KIR3DL2: variants seen among roughly 807,000 people sequenced by gnomAD.
KIR3DL2 encodes the protein killer cell immunoglobulin like receptor, three Ig domains and long cytoplasmic tail 2.
A neutral mutation model predicts 41.6 loss-of-function variants in KIR3DL2; 42 were observed. The observed-to-expected ratio is 1.01, with a 90% CI of 0.79 to 1.31. The LOEUF (loss-of-function observed/expected upper bound fraction) is 1.31. Among genes scored for constraint, KIR3DL2 ranks in the 50% most tolerant of loss-of-function variants. The pLI is 0.00. For missense variants in KIR3DL2, 728 were observed against 576.8 expected (o/e 1.26, Z -2.68); for synonymous variants, 230 against 221.3 (o/e 1.04, Z -0.35).
intron 5 of KIR3DL2, among the ~76,000 whole-genome samples, chr19:54,857,826 G>A (rs1373030525): frequency 2.6e-5 from 4 of 151,816 alleles, no homozygotes; most frequent in East Asian, 3.9e-4. Flanking sequence ...AATTACAGGC[G>A]TGAGCCACCG....
intron 6 of KIR3DL2, among the ~76,000 whole-genome samples, chr19:54,863,643 A>G (rs1197584767): frequency 7.9e-5 from 12 of 152,092 alleles, no homozygotes; most frequent in Non-Finnish European, 1.6e-4. Context: ...TTTTGGCTGC[A>G]TAAATGTCTT....
intron 6 of KIR3DL2, among the ~76,000 whole-genome samples, chr19:54,864,702 G>A (rs1429844532): frequency 6.6e-6 from 1 of 152,044 alleles, no homozygotes. Flanking sequence ...TTTGTACATT[G>A]ATTCTGTATC....
In KIR3DL2 at chr19:54,853,980, G is replaced by A. The variant is rs1312724659; in HGVS notation, c.589G>A (p.Gly197Ser). The change falls in exon 4 of 9, where the codon GGT (glycine) becomes AGT (serine). Residue 197 changes from glycine to serine, a missense_variant. Physicochemically the swap from Gly to Ser is moderately conservative, Grantham distance 56. Transcript: ENST00000326321. The stretch of plus-strand genomic sequence containing the variant: ...CCTTGCAGGAACCTACAGATGTTAT[G>A]GTTCTGTTCCTCACTCCCCCTATCA... Reference protein sequence around the residue: ...PVLAGTYRCYGSVPHSPYQLS... With the variant: ...PVLAGTYRCYSSVPHSPYQLS... 10 of 1,613,306 alleles carry A rather than the reference G, an allele frequency of 6.2e-6. No homozygotes were observed. The Admixed American group carries it at 6.7e-5, about 11-fold the overall frequency.
intron 6 of KIR3DL2, among the ~76,000 whole-genome samples, chr19:54,859,330 C>T (rs1424602325): frequency 2.6e-5 from 4 of 151,980 alleles, no homozygotes; most frequent in African/African-American, 9.7e-5. Context: ...TAATTTCCTG[C>T]AGGTGAGACC....
chr19:54,858,789 G>A (rs961225464), intron 5 of KIR3DL2, among the ~76,000 whole-genome samples: 29 of 151,968 alleles, frequency 1.9e-4, no homozygotes, highest in Non-Finnish European at 4.0e-4. Context: ...TCTCCATTCT[G>A]TTCCATTTTT....
intron 6 of KIR3DL2, among the ~76,000 whole-genome samples, chr19:54,862,123 C>T (rs190643900): frequency 1.4e-4 from 22 of 152,236 alleles, no homozygotes; most frequent in African/African-American, 4.3e-4. Context: ...TGGTCTTTCC[C>T]CCAGCCTCTC....
intron 6 of KIR3DL2, 104 bp from the exon 7 acceptor site, chr19:54,865,701 C>A: frequency 9.8e-7 from 1 of 1,024,982 alleles, no homozygotes; most frequent in Non-Finnish European, 1.5e-6. Flanking sequence ...GCTGCTTGTC[C>A]TAAGGAGATG....
intron 2 of KIR3DL2, 47 bp from the exon 3 acceptor site, chr19:54,851,951 G>A (rs1371789652): frequency 1.3e-6 from 2 of 1,593,348 alleles, no homozygotes; most frequent in Non-Finnish European, 1.7e-6. Context: ...GGAGGGAGGG[G>A]TGGCTCCACA....
intron 6 of KIR3DL2, among the ~76,000 whole-genome samples, chr19:54,863,737 T>C (rs1446778992): frequency 6.6e-6 from 1 of 152,056 alleles, no homozygotes; most frequent in Admixed American, 6.5e-5. Context: ...TTTGAGTTCA[T>C]TGTAGATTCT....
chr19:54,866,268 C>A, intron 7 of KIR3DL2, 102 bp from the exon 8 acceptor site: 1 of 1,171,030 alleles, frequency 8.5e-7, no homozygotes, highest in Non-Finnish European at 1.3e-6. Flanking sequence ...AGCTGAAGAG[C>A]CTCAGGCACC....
chr19:54,863,756 G>A (rs1170028584), intron 6 of KIR3DL2, among the ~76,000 whole-genome samples: 2 of 151,850 alleles, frequency 1.3e-5, no homozygotes, highest in Admixed American at 6.6e-5. Context: ...CTGGATATTA[G>A]CCCTTTGTCA....
At chr19:54,863,519 T>A (rs1157771946) in intron 6 of KIR3DL2, among the ~76,000 whole-genome samples, 1 of 152,108 alleles carries the variant, frequency 6.6e-6, no homozygotes, top group Non-Finnish European at 1.5e-5. Context: ...CAGCACCTGT[T>A]GTTTCCCGAC....
At position 54,852,114 on chromosome 19, in the gene KIR3DL2, G is replaced by C. The variant is rs1569519811; in HGVS notation, c.187G>C (p.Glu63Gln). 1.1e-5 allele frequency: 18 copies of C among 1,612,950 alleles called. No individual in the cohort carries two copies. Among genetic ancestry groups the C allele is most frequent in the Non-Finnish European group, 1.3e-5 (15 of 1,179,572 alleles). Residue 63 changes from glutamate to glutamine, a missense_variant, in exon 3 of 9, where the codon GAA becomes CAA. Glu to Gln is a conservative substitution (Grantham distance 29). Coordinates refer to ENST00000326321, the MANE Select transcript of KIR3DL2 (RefSeq NM_006737.4). The part of the protein sequence containing the change: ...RGFNNFMLYK[E>Q]DRSHVPIFHG... Reference sequence around the variant, plus strand: ...GTTTAACAATTTCATGCTGTACAAAGAAGACAGAAGCCACGTTCCCATCTT... The same window carrying C: ...GTTTAACAATTTCATGCTGTACAAACAAGACAGAAGCCACGTTCCCATCTT...
At chr19:54,856,028 T>G in intron 5 of KIR3DL2, 116 bp downstream of exon 5, 1 of 1,294,432 alleles carries the variant, frequency 7.7e-7, no homozygotes, top group Non-Finnish European at 1.1e-6. Context: ...GAAGACTGGG[T>G]GTGAGGGGGG....
At position 54,859,144 on chromosome 19, in the gene KIR3DL2, C is replaced by T. The variant is rs1174609448; in HGVS notation, c.1000+15C>T. ...CTCCAAATCTGGTGAGTAAAGGACC[C>T]CTCTTATCTCTGCTTTTGGAAACCT... On this transcript the variant is annotated intron_variant, in intron 6 of 8. Transcript: ENST00000326321. 1.0e-5 allele frequency: 16 copies of T among 1,607,616 alleles called. No individual in the cohort carries two copies. In the East Asian group the frequency reaches 1.8e-4, roughly 18 times the overall value.
At chr19:54,853,674 C>G (rs2064483148) in intron 3 of KIR3DL2, 73 bp from the exon 4 acceptor site, 2 of 1,542,276 alleles carry the variant, frequency 1.3e-6, no homozygotes, top group Admixed American at 1.7e-5. Context: ...GAGGGGAACC[C>G]TCACTCATTC....
chr19:54,862,697 A>C (rs1187988060), intron 6 of KIR3DL2, among the ~76,000 whole-genome samples: 1 of 151,242 alleles, frequency 6.6e-6, no homozygotes, highest in Non-Finnish European at 1.5e-5. Context: ...CAGGAAGAAC[A>C]GGAAGACAGC....
chr19:54,860,342 T>A (rs2065083467), intron 6 of KIR3DL2, among the ~76,000 whole-genome samples: 2 of 152,064 alleles, frequency 1.3e-5, no homozygotes, highest in African/African-American at 4.8e-5. Flanking sequence ...TTGAGAAGCA[T>A]CTGTGCATGA....
At position 54,867,055 on chromosome 19, in the gene KIR3DL2, A is replaced by G. The variant is rs548073527; in HGVS notation, c.*324A>G. On this transcript the variant is annotated 3_prime_UTR_variant, in exon 9 of 9. Transcript: ENST00000326321. Reference sequence around the variant, plus strand: ...AACATACAAGAGGCTCCCTCTTAACACGGCACTTACACACTTGCTGTTCCA... The same window carrying G: ...AACATACAAGAGGCTCCCTCTTAACGCGGCACTTACACACTTGCTGTTCCA... 2.2e-3 allele frequency: 880 copies of G among 395,588 alleles called. 13 individuals are homozygous for G. The East Asian group carries it at 0.023, about 10-fold the overall frequency. The allele number at this position is 395,588 out of a possible 1,614,324, so 24.5% of individuals were successfully genotyped here.
Sources: allele counts gnomAD v4.1 joint callset (sites outside exome capture counted in the v4.1 genomes callset), GRCh38; gene constraint gnomAD v4.1.1; transcripts MANE v1.5; gene names NCBI Gene and HGNC (gene_info 2026-07-23, HGNC 2026-07-21).